PCDHGB4: variants seen among roughly 807,000 people sequenced by gnomAD.
The protein encoded by PCDHGB4 is protocadherin gamma subfamily B, 4.
Under a neutral mutation model 60.5 loss-of-function variants are expected in PCDHGB4, and 38 were observed. The observed-to-expected ratio is 0.63, with a 90% CI of 0.48 to 0.82. PCDHGB4 has a LOEUF of 0.82. PCDHGB4 is among the 40% of genes least tolerant of loss of function. The pLI, the probability that PCDHGB4 is intolerant of heterozygous loss-of-function variation, is 0.00. For missense variants in PCDHGB4, 1,109 were observed against 1,209.6 expected (o/e 0.92, Z 1.23); for synonymous variants, 456 against 509.7 (o/e 0.89, Z 1.42).
At position 141,510,228 on chromosome 5, in the gene PCDHGB4, G is replaced by A. The variant is rs529723748; in HGVS notation, c.2546-719G>A. The stretch of plus-strand genomic sequence containing the variant: ...GCAGAGGTTGCAGTGAGCCGGGATC[G>A]CGCCACTGCACTCCAGGCTGGGCGA... On this transcript the variant is annotated intron_variant, in intron 3 of 3. Coordinates refer to ENST00000519479, the MANE Select transcript of PCDHGB4 (RefSeq NM_003736.4). Among the ~76,000 whole-genome samples the A allele has an allele frequency of 1.4e-3, 208 of 150,722 alleles. 1 individual carries two copies. Among genetic ancestry groups the A allele is most frequent in the African/African-American group, 4.7e-3 (193 of 40,860 alleles).
chr5:141,400,011 G>A (rs200842238), intron 1 of PCDHGB4: 35 of 1,612,624 alleles, frequency 2.2e-5, no homozygotes, highest in African/African-American at 4.0e-5. Context: ...CGCGTGCCTT[G>A]GGCGACAGGG....
intron 1 of PCDHGB4, among the ~76,000 whole-genome samples, chr5:141,452,761 G>A (rs1291983570): frequency 6.6e-6 from 1 of 152,036 alleles, no homozygotes; most frequent in East Asian, 1.9e-4. Flanking sequence ...AGGAAGGGAG[G>A]GAGGGAAAAC....
At chr5:141,470,236 T>C (rs1232874196) in intron 1 of PCDHGB4, among the ~76,000 whole-genome samples, 1 of 152,210 alleles carries the variant, frequency 6.6e-6, no homozygotes, top group African/African-American at 2.4e-5. Context: ...ACCAAACCCT[T>C]GAATGTCCCA....
At position 141,389,766 on chromosome 5, in the gene PCDHGB4, C is replaced by G; in HGVS notation, c.1882C>G (p.Arg628Gly). The G allele has an allele frequency of 6.2e-7, 1 of 1,613,060 alleles. No individual in the cohort carries two copies. Among genetic ancestry groups the G allele is most frequent in the Non-Finnish European group, 8.5e-7 (1 of 1,179,720 alleles). Residue 628 changes from arginine to glycine, a missense_variant, in exon 1 of 4, where the codon CGT (arginine) becomes GGT (glycine). Physicochemically the swap from Arg to Gly is moderately radical, Grantham distance 125. Around this residue, in one of 2 missense-constraint regions of PCDHGB4, gnomAD observed 1,068 missense variants for 1,089.9 expected, o/e 0.98. Coordinates refer to ENST00000519479, the MANE Select transcript of PCDHGB4 (RefSeq NM_003736.4). ...GCGCACGGGCGAAGTGCGCACAGCG[C>G]GTGCCTTAGGCGACAGGGACGCCGT... Reference protein sequence around the residue: ...GLRTGEVRTARALGDRDAVRQ... With the variant: ...GLRTGEVRTAGALGDRDAVRQ...
In PCDHGB4 at chr5:141,487,470, G is replaced by C; in HGVS notation, c.2398-7337G>C. ...GACCCTATCAAGTTTGTTGATGTGG[G>C]AGGCCACTCTCATGGCTGTACACCC... On this transcript the variant is annotated intron_variant, in intron 1 of 3. Coordinates refer to ENST00000519479, the MANE Select transcript of PCDHGB4 (RefSeq NM_003736.4). The surrounding 1 kb of genome is among the most constrained non-coding windows in gnomAD (Gnocchi z 5.0). The C allele has an allele frequency of 1.9e-6, 3 of 1,614,162 alleles. No individual in the cohort carries two copies. Among genetic ancestry groups the C allele is most frequent in the South Asian group, 1.1e-5 (1 of 91,084 alleles).
intron 1 of PCDHGB4, chr5:141,398,025 A>T (rs1481347884): frequency 1.4e-6 from 2 of 1,445,136 alleles, no homozygotes; most frequent in Non-Finnish European, 1.8e-6. Flanking sequence ...CTAAACTGGA[A>T]CTGGAACTAA....
At chr5:141,450,642 A>C (rs2098688710) in intron 1 of PCDHGB4, among the ~76,000 whole-genome samples, 1 of 151,504 alleles carries the variant, frequency 6.6e-6, no homozygotes, top group Non-Finnish European at 1.5e-5. Context: ...GCCTGCCACC[A>C]TGCCTGGCTA....
chr5:141,474,597 T>C (rs1454833258), intron 1 of PCDHGB4, among the ~76,000 whole-genome samples: 2 of 152,248 alleles, frequency 1.3e-5, no homozygotes, highest in Non-Finnish European at 2.9e-5. Flanking sequence ...CATGGAAATA[T>C]AGGTCACATA....
intron 2 of PCDHGB4, among the ~76,000 whole-genome samples, chr5:141,501,876 C>T (rs1463329895): frequency 6.6e-6 from 1 of 152,118 alleles, no homozygotes; most frequent in East Asian, 1.9e-4. Context: ...CGCCTCCTTA[C>T]ACTCCTGATC....
In PCDHGB4 at chr5:141,505,414, C is replaced by T. The variant is rs373956550; in HGVS notation, c.2478C>T (p.Thr826=). The T allele has an allele frequency of 3.0e-5, 48 of 1,614,046 alleles. No homozygotes were observed. In the African/African-American group the frequency reaches 3.1e-4, roughly 10 times the overall value. The change falls in exon 3 of 4, where the codon ACC becomes ACT. Residue 826 remains threonine (T), a synonymous_variant. Transcript: ENST00000519479. ...CCAGCTCCCAAAATGGCGATGACACCGGCACCTGGCCCAACAACCAGTTTG... is the reference window on the plus strand; with the variant it reads ...CCAGCTCCCAAAATGGCGATGACACTGGCACCTGGCCCAACAACCAGTTTG... ...GTSGSQNGDD[T]GTWPNNQFDT...
intron 1 of PCDHGB4, among the ~76,000 whole-genome samples, chr5:141,460,653 G>A (rs10058370): frequency 0.17 from 25,559 of 151,914 alleles, 2,196 homozygotes; most frequent in South Asian, 0.22. Flanking sequence ...TTACACATAT[G>A]TAACTGTAAA....
chr5:141,490,004 C>A lies in PCDHGB4; in HGVS notation c.2398-4803C>A. The A allele has an allele frequency of 6.2e-7, 1 of 1,614,174 alleles. No homozygotes were observed. The highest frequency in any genetic ancestry group is 1.7e-5 in the Admixed American group (1 of 60,034). On this transcript the variant is annotated intron_variant, in intron 1 of 3. Transcript: ENST00000519479. The surrounding 1 kb of genome is among the most constrained non-coding windows in gnomAD (Gnocchi z 5.4). ...CTACGTGTGGGAATCCCAGAGAATGCACCCATTGGTACTCTGCTGCTCCGC... is the reference window on the plus strand; with the variant it reads ...CTACGTGTGGGAATCCCAGAGAATGAACCCATTGGTACTCTGCTGCTCCGC...
At chr5:141,415,205 C>A (rs2095843771) in intron 1 of PCDHGB4, 2 of 1,614,040 alleles carry the variant, frequency 1.2e-6, no homozygotes, top group Non-Finnish European at 1.7e-6. Context: ...CAAGTCCTGG[C>A]GGACCTCGGC....
At chr5:141,437,042 A>G (rs1355358776) in intron 1 of PCDHGB4, among the ~76,000 whole-genome samples, 1 of 152,264 alleles carries the variant, frequency 6.6e-6, no homozygotes, top group Non-Finnish European at 1.5e-5. Context: ...CACCGAAACC[A>G]GAAGGCTGGT....
At chr5:141,415,366 G>T in intron 1 of PCDHGB4, 1 of 1,614,252 alleles carries the variant, frequency 6.2e-7, no homozygotes, top group South Asian at 1.1e-5. Flanking sequence ...CCTGCTGCAG[G>T]CTTCAGGAGG....
In PCDHGB4 at chr5:141,477,080, A is replaced by G; in HGVS notation, c.2398-17727A>G. 1.9e-6 allele frequency: 3 copies of G among 1,614,254 alleles called. No homozygotes were observed. The highest frequency in any genetic ancestry group is 2.5e-6 in the Non-Finnish European group (3 of 1,180,042). ...GGACACCAAACTCCATGAGATTTAC[A>G]TCCAGGCCAAAGACAAGGGCGCCAA... On this transcript the variant is annotated intron_variant, in intron 1 of 3. Coordinates refer to ENST00000519479, the MANE Select transcript of PCDHGB4 (RefSeq NM_003736.4). The surrounding 1 kb of genome is among the most constrained non-coding windows in gnomAD (Gnocchi z 4.9).
At chr5:141,403,804 T>G (rs2094456767) in intron 1 of PCDHGB4, 1 of 1,613,764 alleles carries the variant, frequency 6.2e-7, no homozygotes, top group Non-Finnish European at 8.5e-7. Context: ...TCTGGAAAAT[T>G]AATGAAAAAC....
chr5:141,500,309 C>T (rs777434466), intron 2 of PCDHGB4, among the ~76,000 whole-genome samples: 2 of 151,602 alleles, frequency 1.3e-5, no homozygotes, highest in Non-Finnish European at 2.9e-5. Flanking sequence ...CCCAGGTTCA[C>T]GCCATGCTCC....
chr5:141,480,946 G>A (rs1415705408), intron 1 of PCDHGB4, among the ~76,000 whole-genome samples: 1 of 152,172 alleles, frequency 6.6e-6, no homozygotes, highest in Non-Finnish European at 1.5e-5. Context: ...TCTAGAGGCT[G>A]AGGCGGAAGC....
Sources: gnomAD v4.1 joint callset for allele counts (sites outside exome capture counted in the v4.1 genomes callset) on GRCh38, gnomAD v4.1.1 for gene constraint, gnomAD v4.1.1 regional missense constraint, Gnocchi (gnomAD v3.1) non-coding constraint, MANE v1.5 for transcripts, NCBI Gene and HGNC (gene_info 2026-07-23, HGNC 2026-07-21) for gene names.